AP3S1: variants seen among roughly 807,000 people sequenced by gnomAD.
AP3S1 encodes adaptor related protein complex 3 subunit sigma 1.
AP3S1 carries 12 observed loss-of-function variants against 21.3 expected under a neutral mutation model. That is an observed-to-expected ratio of 0.56 (90% CI 0.36 to 0.91). The LOEUF is 0.91. AP3S1 is among the 40% of genes least tolerant of loss of function. The pLI is 0.01. For missense variants in AP3S1, 116 were observed against 225.0 expected (o/e 0.52, Z 3.10); for synonymous variants, 48 against 78.4 (o/e 0.61, Z 2.05).
intron 2 of AP3S1, 119 bp from the exon 3 acceptor site, chr5:115,869,898 C>G (rs904591992): frequency 1.8e-6 from 1 of 569,362 alleles, no homozygotes; most frequent in Non-Finnish European, 3.0e-6. Flanking sequence ...AAATACTTTG[C>G]CATTGAATGT....
At position 115,841,949 on chromosome 5, in the gene AP3S1, GA is replaced by G; in HGVS notation, c.-87del. On this transcript the variant is annotated 5_prime_UTR_variant, in exon 1 of 6. Transcript: ENST00000316788. The stretch of plus-strand genomic sequence containing the variant: ...TCGCGTGCGGGAGGGGGCGGGTGGG[GA>G]AGGATCGCAGGCGAGATTACGAGGC... 6.6e-7 allele frequency: 1 copy of G among 1,524,482 alleles called. No individual in the cohort carries two copies. Among genetic ancestry groups the G allele is most frequent in the Non-Finnish European group, 8.8e-7 (1 of 1,134,374 alleles). The allele number at this position is 1,524,482 out of a possible 1,614,324, so 94.4% of individuals were successfully genotyped here.
intron 5 of AP3S1, chr5:115,907,099 T>C (rs1484451376): frequency 1.3e-6 from 1 of 762,178 alleles, no homozygotes; most frequent in Admixed American, 6.3e-5. Context: ...GCCTGCATTG[T>C]AAAAGGAAAG....
intron 1 of AP3S1, among the ~76,000 whole-genome samples, chr5:115,849,887 T>C (rs1021036561): frequency 5.3e-5 from 8 of 151,734 alleles, no homozygotes; most frequent in African/African-American, 1.9e-4. Context: ...GCAGGGCCCC[T>C]GTCTTCTAAA....
chr5:115,845,032 A>G (rs1580599780), intron 1 of AP3S1, among the ~76,000 whole-genome samples: 2 of 152,204 alleles, frequency 1.3e-5, no homozygotes, highest in African/African-American at 4.8e-5. Flanking sequence ...GTTTCCTTCT[A>G]TCTCTTAAAA....
intron 1 of AP3S1, chr5:115,842,455 C>T (rs1761669270): frequency 4.9e-6 from 1 of 203,160 alleles, no homozygotes; most frequent in Non-Finnish European, 9.8e-6. Flanking sequence ...GCGCCCAGTC[C>T]CCAAGAGCCC....
intron 1 of AP3S1, among the ~76,000 whole-genome samples, chr5:115,854,315 C>T (rs2112790418): frequency 6.6e-6 from 1 of 152,250 alleles, no homozygotes; most frequent in African/African-American, 2.4e-5. Flanking sequence ...TTAATTATAC[C>T]TGCCATTTAT....
At chr5:115,855,461 T>A (rs982765464) in intron 1 of AP3S1, among the ~76,000 whole-genome samples, 7 of 152,178 alleles carry the variant, frequency 4.6e-5, no homozygotes, top group Middle Eastern at 3.4e-3. Context: ...AACCTCAGCC[T>A]CCTGAGTAAC....
At chr5:115,854,392 C>T (rs1762651798) in intron 1 of AP3S1, among the ~76,000 whole-genome samples, 2 of 152,114 alleles carry the variant, frequency 1.3e-5, no homozygotes, top group African/African-American at 4.8e-5. Context: ...GAGAATTCTT[C>T]TCTAAAGAAA....
At chr5:115,862,545 A>G (rs954185236) in intron 1 of AP3S1, among the ~76,000 whole-genome samples, 11 of 152,360 alleles carry the variant, frequency 7.2e-5, no homozygotes, top group African/African-American at 2.6e-4. Context: ...AAGATGCAGT[A>G]TTAAATTATA....
intron 5 of AP3S1, chr5:115,904,033 G>T (rs1185142485): frequency 6.6e-6 from 1 of 151,750 alleles, no homozygotes; most frequent in Admixed American, 6.6e-5. Flanking sequence ...AGTGAGCCGA[G>T]ATCACATCAC....
At chr5:115,843,440 G>A (rs960889243) in intron 1 of AP3S1, among the ~76,000 whole-genome samples, 1 of 152,140 alleles carries the variant, frequency 6.6e-6, no homozygotes, top group Non-Finnish European at 1.5e-5. Context: ...TGCTACTCGT[G>A]TGTGGTTTTA....
At chr5:115,855,028 T>C (rs1762702395) in intron 1 of AP3S1, among the ~76,000 whole-genome samples, 1 of 147,162 alleles carries the variant, frequency 6.8e-6, no homozygotes, top group Admixed American at 6.6e-5. Flanking sequence ...TATATCTATC[T>C]ATCTATCTAT....
intron 1 of AP3S1, among the ~76,000 whole-genome samples, chr5:115,845,217 G>C (rs1446575348): frequency 6.6e-6 from 1 of 152,176 alleles, no homozygotes; most frequent in African/African-American, 2.4e-5. Flanking sequence ...GTGTGACTGA[G>C]CTAACAATTC....
intron 3 of AP3S1, among the ~76,000 whole-genome samples, chr5:115,894,021 A>T (rs1228313555): frequency 6.6e-6 from 1 of 152,172 alleles, no homozygotes; most frequent in Non-Finnish European, 1.5e-5. Flanking sequence ...TGCATCAGAG[A>T]TCATCAGGAT....
chr5:115,895,402 T>A (rs1426151016), intron 4 of AP3S1, among the ~76,000 whole-genome samples: 1 of 152,158 alleles, frequency 6.6e-6, no homozygotes, highest in African/African-American at 2.4e-5. Context: ...ATGTGTAGCA[T>A]GTTAATGGGG....
In AP3S1 at chr5:115,902,958, A is replaced by G; in HGVS notation, c.419A>G (p.Gln140Arg). 2 of 1,613,936 alleles carry G rather than the reference A, an allele frequency of 1.2e-6. No individual in the cohort carries two copies. The highest frequency in any genetic ancestry group is 1.7e-6 in the Non-Finnish European group (2 of 1,179,900). Residue 140 changes from glutamine (Q) to arginine (R), a missense_variant, in exon 5 of 6, where the codon CAA becomes CGA. By Grantham distance (43) the Gln-to-Arg change is conservative. Transcript: ENST00000316788. ...LETNMNEIVT[Q>R]IDAQNKLEKS... is the part of the protein sequence containing the mutation. ...ACAAATATGAATGAGATTGTTACACAAATTGATGCACAAAATAAGCTGGAA... is the reference window on the plus strand; with the variant it reads ...ACAAATATGAATGAGATTGTTACACGAATTGATGCACAAAATAAGCTGGAA...
At chr5:115,909,904 A>T (rs1268079711) in intron 5 of AP3S1, among the ~76,000 whole-genome samples, 1 of 152,196 alleles carries the variant, frequency 6.6e-6, no homozygotes, top group Non-Finnish European at 1.5e-5. Flanking sequence ...TAATTTATAA[A>T]ATAGGCACGG....
chr5:115,853,601 T>C (rs1762598472), intron 1 of AP3S1, among the ~76,000 whole-genome samples: 1 of 152,230 alleles, frequency 6.6e-6, no homozygotes, highest in Non-Finnish European at 1.5e-5. Flanking sequence ...TTAATTCTTA[T>C]ACCTAGGTCT....
chr5:115,872,762 G>C (rs1377806900), intron 3 of AP3S1, among the ~76,000 whole-genome samples: 3 of 152,082 alleles, frequency 2.0e-5, no homozygotes, highest in Non-Finnish European at 4.4e-5. Flanking sequence ...ACTATATATT[G>C]CATTGCCTTG....
Sources: gnomAD v4.1 joint callset for allele counts (sites outside exome capture counted in the v4.1 genomes callset) on GRCh38, gnomAD v4.1.1 for gene constraint, MANE v1.5 for transcripts, NCBI Gene and HGNC (gene_info 2026-07-23, HGNC 2026-07-21) for gene names.